ASIC2: variants seen among roughly 807,000 people sequenced by gnomAD.
ASIC2 encodes acid sensing ion channel subunit 2.
In ASIC2, 25 loss-of-function variants were observed where a neutral mutation model predicts 57.3. That is an observed-to-expected ratio of 0.44 (90% CI 0.32 to 0.61). The LOEUF (loss-of-function observed/expected upper bound fraction) is 0.61, where lower values mean the gene tolerates loss of function less well. Among genes scored for constraint, ASIC2 ranks in the 20% least tolerant of loss-of-function variants. The pLI is 0.06. For missense variants in ASIC2, 641 were observed against 738.1 expected, an observed-to-expected ratio of 0.87 and a Z score of 1.52; for synonymous variants, 319 against 307.5, an observed-to-expected ratio of 1.04 and a Z score of -0.39.
At chr17:33,861,843 T>C (rs1046227080) in intron 1 of ASIC2, among the ~76,000 whole-genome samples, 1 of 152,192 alleles carries the variant, frequency 6.6e-6, no homozygotes, top group Admixed American at 6.5e-5. Context: ...CACAGAAAAC[T>C]TCACTGACAA....
At chr17:33,596,293 C>G (rs979737544) in intron 1 of ASIC2, among the ~76,000 whole-genome samples, 3 of 152,168 alleles carry the variant, frequency 2.0e-5, no homozygotes, top group East Asian at 1.9e-4. Context: ...TTGTAGAGTG[C>G]AGGTCCATAT....
chr17:33,681,330 A>C (rs1376038307), intron 1 of ASIC2, among the ~76,000 whole-genome samples: 2 of 152,200 alleles, frequency 1.3e-5, no homozygotes, highest in Non-Finnish European at 2.9e-5. Flanking sequence ...TGTGTATTAT[A>C]GAATGTTTCA....
At chr17:33,272,429 C>A (rs553881818) in intron 1 of ASIC2, among the ~76,000 whole-genome samples, 1 of 152,270 alleles carries the variant, frequency 6.6e-6, no homozygotes, top group South Asian at 2.1e-4. Context: ...GAATAAATGA[C>A]CTAAACCTCT....
intron 1 of ASIC2, among the ~76,000 whole-genome samples, chr17:33,326,059 C>G (rs139215433): frequency 1.3e-5 from 2 of 152,194 alleles, no homozygotes; most frequent in Non-Finnish European, 2.9e-5. Flanking sequence ...GGTTAAGAAA[C>G]TTGGTCAAGG....
In ASIC2 at chr17:34,010,851, G is replaced by C. The variant is rs575968087; in HGVS notation, c.555+145127C>G. ...ACAACTTACCAATAAAACACTCCAG[G>C]CTCCTTCAATCCACTGCAACCCCTG... On this transcript the variant is annotated intron_variant, in intron 1 of 9. Coordinates refer to the ASIC2 transcript ENST00000359872. Among the ~76,000 whole-genome samples, 3 of 151,592 alleles carry C rather than the reference G, an allele frequency of 2.0e-5. No individual in the cohort carries two copies. The East Asian group carries it at 5.8e-4, about 30-fold the overall frequency.
At chr17:33,601,464 G>A (rs1905113297) in intron 1 of ASIC2, among the ~76,000 whole-genome samples, 1 of 152,206 alleles carries the variant, frequency 6.6e-6, no homozygotes, top group Non-Finnish European at 1.5e-5. Context: ...AGGCCCAAGT[G>A]CAGCTCGTAC....
chr17:34,093,964 T>C (rs1910426171), intron 1 of ASIC2, among the ~76,000 whole-genome samples: 1 of 152,162 alleles, frequency 6.6e-6, no homozygotes, highest in African/African-American at 2.4e-5. Flanking sequence ...GCAGTCCCCT[T>C]TGTCTGCTCA....
intron 1 of ASIC2, among the ~76,000 whole-genome samples, chr17:33,883,444 T>C (rs1274971353): frequency 3.9e-5 from 6 of 152,164 alleles, no homozygotes; most frequent in Non-Finnish European, 7.3e-5. Flanking sequence ...AGTTAGAAGA[T>C]TGAGTCAAAG....
chr17:33,863,697 T>C (rs1165544483), intron 1 of ASIC2, among the ~76,000 whole-genome samples: 1 of 152,206 alleles, frequency 6.6e-6, no homozygotes, highest in East Asian at 1.9e-4. Flanking sequence ...TCTCTGTCAG[T>C]CCATCTGGTA....
intron 2 of ASIC2, among the ~76,000 whole-genome samples, chr17:33,097,090 G>A (rs1285073591): frequency 6.6e-6 from 1 of 152,236 alleles, no homozygotes; most frequent in Non-Finnish European, 1.5e-5. Flanking sequence ...TGGGCTCTGA[G>A]GCCTGTGCTT....
intron 1 of ASIC2, among the ~76,000 whole-genome samples, chr17:33,526,478 C>T (rs982066988): frequency 2.0e-5 from 3 of 152,170 alleles, no homozygotes; most frequent in Admixed American, 6.5e-5. Context: ...GCATGTCCCC[C>T]GGAGCTGAGT....
At chr17:33,536,191 C>G (rs1915224119) in intron 1 of ASIC2, among the ~76,000 whole-genome samples, 1 of 152,194 alleles carries the variant, frequency 6.6e-6, no homozygotes, top group Non-Finnish European at 1.5e-5. Flanking sequence ...TTGACCACTC[C>G]CTTCAGTCTT....
At chr17:33,799,419 C>CTTTG (rs749926179) in intron 1 of ASIC2, among the ~76,000 whole-genome samples, 1 of 68,796 alleles carries the variant, frequency 1.5e-5, no homozygotes, top group African/African-American at 5.8e-5. Context: ...TTCTTTCTTT[C>CTTTG]TTTCTTTCTT....
intron 1 of ASIC2, among the ~76,000 whole-genome samples, chr17:33,231,572 GA>G (rs1908092495): frequency 2.0e-5 from 3 of 152,082 alleles, no homozygotes; most frequent in Admixed American, 2.0e-4. Flanking sequence ...TCCCATCCCA[GA>G]CTTGATGGGC....
chr17:33,940,072 T>C (rs1386897214), intron 1 of ASIC2, among the ~76,000 whole-genome samples: 6 of 152,194 alleles, frequency 3.9e-5, no homozygotes, highest in African/African-American at 1.4e-4. Context: ...TTTCTCACCT[T>C]GACCTAGGAG....
chr17:33,117,384 C>T (rs1384916749), intron 1 of ASIC2, among the ~76,000 whole-genome samples: 1 of 152,122 alleles, frequency 6.6e-6, no homozygotes, highest in African/African-American at 2.4e-5. Flanking sequence ...CCATGTTGGC[C>T]AGGCTGGTCT....
At chr17:34,038,031 C>CT in intron 1 of ASIC2, 4 of 1,613,408 alleles carry the variant, frequency 2.5e-6, no homozygotes, top group Non-Finnish European at 3.4e-6. Flanking sequence ...GTACCAGCAC[C>CT]TTGTGATGTT....
intron 1 of ASIC2, among the ~76,000 whole-genome samples, chr17:33,925,259 A>G (rs1915800090): frequency 6.6e-6 from 1 of 152,218 alleles, no homozygotes; most frequent in Admixed American, 6.5e-5. Context: ...CAACTTGCAC[A>G]AGGGTTGAAT....
At chr17:34,130,731 T>G (rs991718152) in intron 1 of ASIC2, among the ~76,000 whole-genome samples, 20 of 152,352 alleles carry the variant, frequency 1.3e-4, no homozygotes, top group African/African-American at 4.8e-4. Flanking sequence ...GGCTGGGCCC[T>G]GCATTACCCA....
Sources: allele counts gnomAD v4.1 joint callset (sites outside exome capture counted in the v4.1 genomes callset), GRCh38; gene constraint gnomAD v4.1.1; transcripts MANE v1.5; gene names NCBI Gene and HGNC (gene_info 2026-07-23, HGNC 2026-07-21).